Variants in RFXAP observed in about 807,000 individuals in gnomAD.
The protein encoded by RFXAP is regulatory factor X associated protein.
Under a neutral mutation model 25.7 loss-of-function variants are expected in RFXAP, and 21 were observed. The observed-to-expected ratio is 0.82, with a 90% CI of 0.58 to 1.18. The LOEUF (loss-of-function observed/expected upper bound fraction) is 1.18. RFXAP is among the 50% of genes most tolerant of loss of function. The pLI, the probability that RFXAP is intolerant of heterozygous loss-of-function variation, is 0.00. For missense variants in RFXAP, 333 were observed against 363.0 expected (o/e 0.92, Z 0.67); for synonymous variants, 161 against 152.2 (o/e 1.06, Z -0.43).
chr13:36,819,283 T>G lies in RFXAP; in HGVS notation c.-75T>G. On this transcript the variant is annotated 5_prime_UTR_variant, in exon 1 of 3. Transcript: ENST00000255476. ...TTTACCCCAGCGTGTCCTGAGTCTT[T>G]GGTTCGCGAAGTGCCGTTAGGCCAA... 8.2e-7 allele frequency: 1 copy of G among 1,219,248 alleles called. No homozygotes were observed. Among genetic ancestry groups the G allele is most frequent in the Non-Finnish European group, 1.0e-6 (1 of 975,770 alleles). 75.5% of individuals were successfully genotyped at this position (1,219,248 alleles called of 1,614,324 possible). A position where few individuals can be genotyped will look rare whatever the true frequency, so the allele number is the denominator to read the frequency against.
rs1445456701 is a variant in RFXAP at position 36,829,093 on chromosome 13, GT to G, written c.*1342del. On this transcript the variant is annotated 3_prime_UTR_variant, in exon 3 of 3. Transcript: ENST00000255476. The stretch of plus-strand genomic sequence containing the variant: ...AAAATTAATTCATTAAAGTCCAGTT[GT>G]TGACCTTTGAGTTAGCTGATTTCTT... The G allele has an allele frequency of 6.6e-6, 1 of 152,586 alleles. No individual in the cohort carries two copies. Among genetic ancestry groups the G allele is most frequent in the Non-Finnish European group, 1.5e-5 (1 of 68,028 alleles). The allele number at this position is 152,586 out of a possible 1,614,324, so 9.5% of individuals were successfully genotyped here.
chr13:36,825,534 T>C lies in RFXAP; in HGVS notation c.707T>C (p.Leu236Pro). ...GAACAAGTGTTAAATCAAAAAAGAC[T>C]GGTAAATATCTGTTTGTAAATCAGT... The part of the protein sequence containing the change: ...LLEQVLNQKR[L>P]SLLRSPEVVQ... Residue 236 changes from leucine (L) to proline (P), a missense_variant and splice_region_variant, in exon 2 of 3, where the codon CTG becomes CCG. Physicochemically the swap from Leu to Pro is moderately conservative, Grantham distance 98. Coordinates refer to ENST00000255476, the MANE Select transcript of RFXAP (RefSeq NM_000538.4). 3 of 1,590,692 alleles carry C rather than the reference T, an allele frequency of 1.9e-6. No homozygotes were observed. The highest frequency in any genetic ancestry group is 2.6e-6 in the Non-Finnish European group (3 of 1,160,650).
At chr13:36,826,280 G>A (rs2057977685) in intron 2 of RFXAP, among the ~76,000 whole-genome samples, 2 of 152,066 alleles carry the variant, frequency 1.3e-5, no homozygotes, top group Admixed American at 6.6e-5. Flanking sequence ...GTAATTTGAT[G>A]AGGAAAACCT....
At chr13:36,820,077 G>T (rs1159347140) in intron 1 of RFXAP, 120 bp downstream of exon 1, 1 of 1,409,360 alleles carries the variant, frequency 7.1e-7, no homozygotes, top group African/African-American at 1.4e-5. Context: ...CAGTGACTGG[G>T]TTAGTGGTTG....
intron 1 of RFXAP, among the ~76,000 whole-genome samples, chr13:36,822,798 C>T (rs959103578): frequency 3.3e-5 from 5 of 152,120 alleles, no homozygotes; most frequent in African/African-American, 1.2e-4. Context: ...TTTTGGGATA[C>T]TTTATCAGTT....
chr13:36,823,080 C>G lies in RFXAP; in HGVS notation c.601-2348C>G, dbSNP rs181242591. ...CTGTGTTAAGCTATAAATGGAGTCT[C>G]ACAACCCTTCAGCAATGGGATAGAT... On this transcript the variant is annotated intron_variant, in intron 1 of 2. Coordinates refer to ENST00000255476, the MANE Select transcript of RFXAP (RefSeq NM_000538.4). Among the ~76,000 whole-genome samples, 35 of 152,298 alleles carry G rather than the reference C, an allele frequency of 2.3e-4. 1 individual carries two copies. The highest frequency in any genetic ancestry group is 2.2e-3 in the Admixed American group (34 of 15,294).
In RFXAP at chr13:36,819,656, G is replaced by A. The variant is rs762090260; in HGVS notation, c.299G>A (p.Gly100Glu). 5.2e-6 allele frequency: 8 copies of A among 1,548,872 alleles called. No homozygotes were observed. The highest frequency in any genetic ancestry group is 6.1e-6 in the Non-Finnish European group (7 of 1,145,144). The change falls in exon 1 of 3, where the codon GGG becomes GAG. Residue 100 changes from glycine (G) to glutamate (E), a missense_variant. Transcript: ENST00000255476. ...ADLLDTSDPP[G>E]GGESAASLED... Reference sequence around the variant, plus strand: ...CTGTTAGACACTTCGGACCCTCCGGGGGGAGGCGAGAGCGCGGCTAGTTTG... The same window carrying A: ...CTGTTAGACACTTCGGACCCTCCGGAGGGAGGCGAGAGCGCGGCTAGTTTG...
chr13:36,826,086 T>C (rs963858013), intron 2 of RFXAP, among the ~76,000 whole-genome samples: 1 of 152,154 alleles, frequency 6.6e-6, no homozygotes, highest in Admixed American at 6.6e-5. Context: ...AACAGGAGGA[T>C]TGCTTGAGTC....
At chr13:36,821,705 G>T (rs1045442709) in intron 1 of RFXAP, among the ~76,000 whole-genome samples, 8 of 152,150 alleles carry the variant, frequency 5.3e-5, no homozygotes, top group East Asian at 1.9e-4. Context: ...AAAATTTGCA[G>T]TTGCCAGTGT....
At chr13:36,824,552 C>T (rs991988696) in intron 1 of RFXAP, among the ~76,000 whole-genome samples, 8 of 151,990 alleles carry the variant, frequency 5.3e-5, no homozygotes, top group South Asian at 2.1e-4. Flanking sequence ...TATGGCTTTC[C>T]GGTAAAACAT....
chr13:36,819,974 A>G lies in RFXAP; in HGVS notation c.600+17A>G, dbSNP rs1288665445. On this transcript the variant is annotated intron_variant, in intron 1 of 2. Transcript: ENST00000255476. ...AAACTCGAGGTATCAGACTTAGCTG[A>G]GGCCTGGGGATGGGAGGTGGAAGAA... 1.2e-6 allele frequency: 2 copies of G among 1,612,686 alleles called. No homozygotes were observed. The highest frequency in any genetic ancestry group is 1.3e-5 in the African/African-American group (1 of 74,916).
Position 36,820,656 on chromosome 13 carries a change from G to A in RFXAP, c.600+699G>A, listed in dbSNP as rs535735216. ...CTACCCCTTTTCTTAGTACCCCTGA[G>A]GGGGGAAAAAAAGGATGATAATGGG... On this transcript the variant is annotated intron_variant, in intron 1 of 2. Coordinates refer to ENST00000255476, the MANE Select transcript of RFXAP (RefSeq NM_000538.4). 1.2e-4 allele frequency among the ~76,000 whole-genome samples: 19 copies of A among 152,128 alleles called. No homozygotes were observed. The South Asian group carries it at 3.5e-3, about 28-fold the overall frequency.
At chr13:36,822,076 A>T (rs1362145347) in intron 1 of RFXAP, among the ~76,000 whole-genome samples, 1 of 151,850 alleles carries the variant, frequency 6.6e-6, no homozygotes, top group Non-Finnish European at 1.5e-5. Context: ...AGGGAGAAAA[A>T]TAATACTTTT....
rs1333065695 is a variant in RFXAP at position 36,825,446 on chromosome 13, C to A, written c.619C>A (p.Leu207Ile). The change falls in exon 2 of 3, where the codon CTC becomes ATC. Residue 207 changes from leucine to isoleucine, a missense_variant. By Grantham distance (5) the Leu-to-Ile change is conservative. Coordinates refer to ENST00000255476, the MANE Select transcript of RFXAP (RefSeq NM_000538.4). ...ATCCCAGGAAAGTGCAGATAACATACTCTCCATTGTTAAACAAAGAACAGG... is the reference window on the plus strand; with the variant it reads ...ATCCCAGGAAAGTGCAGATAACATAATCTCCATTGTTAAACAAAGAACAGG... ...VKLEESADNI[L>I]SIVKQRTGSF... The A allele has an allele frequency of 6.2e-7, 1 of 1,612,216 alleles. No homozygotes were observed. Among genetic ancestry groups the A allele is most frequent in the Non-Finnish European group, 8.5e-7 (1 of 1,178,854 alleles).
Position 36,819,301 on chromosome 13 carries a change from T to C in RFXAP, c.-57T>C. The C allele has an allele frequency of 1.6e-6, 2 of 1,239,976 alleles. No homozygotes were observed. The highest frequency in any genetic ancestry group is 1.0e-6 in the Non-Finnish European group (1 of 989,216). The allele number at this position is 1,239,976 out of a possible 1,614,324, so 76.8% of individuals were successfully genotyped here. A position where few individuals can be genotyped will look rare whatever the true frequency, so the allele number is the denominator to read the frequency against. On this transcript the variant is annotated 5_prime_UTR_variant, in exon 1 of 3. Coordinates refer to ENST00000255476, the MANE Select transcript of RFXAP (RefSeq NM_000538.4). ...GAGTCTTTGGTTCGCGAAGTGCCGT[T>C]AGGCCAAGCAGGTGCTAAAAGCCCG...
At position 36,819,282 on chromosome 13, in the gene RFXAP, T is replaced by G; in HGVS notation, c.-76T>G. 2.0e-5 allele frequency: 24 copies of G among 1,196,910 alleles called. No homozygotes were observed. Among genetic ancestry groups the G allele is most frequent in the Non-Finnish European group, 2.5e-5 (24 of 957,276 alleles). The allele number at this position is 1,196,910 out of a possible 1,614,324, so 74.1% of individuals were successfully genotyped here. On this transcript the variant is annotated 5_prime_UTR_variant, in exon 1 of 3. Coordinates refer to ENST00000255476, the MANE Select transcript of RFXAP (RefSeq NM_000538.4). Reference sequence around the variant, plus strand: ...TTTTACCCCAGCGTGTCCTGAGTCTTTGGTTCGCGAAGTGCCGTTAGGCCA... The same window carrying G: ...TTTTACCCCAGCGTGTCCTGAGTCTGTGGTTCGCGAAGTGCCGTTAGGCCA...
In RFXAP at chr13:36,828,110, A is replaced by C; in HGVS notation, c.*357A>C. On this transcript the variant is annotated 3_prime_UTR_variant, in exon 3 of 3. Coordinates refer to ENST00000255476, the MANE Select transcript of RFXAP (RefSeq NM_000538.4). ...TGACTCATCTAGCTCAGTGGTTCTCATCAAGGGTCAATTTGATTGTCATAG... is the reference window on the plus strand; with the variant it reads ...TGACTCATCTAGCTCAGTGGTTCTCCTCAAGGGTCAATTTGATTGTCATAG... 8.6e-6 allele frequency: 2 copies of C among 233,420 alleles called. No individual in the cohort carries two copies. The highest frequency in any genetic ancestry group is 8.4e-6 in the Non-Finnish European group (1 of 118,922). The allele number at this position is 233,420 out of a possible 1,614,324, so 14.5% of individuals were successfully genotyped here.
In RFXAP at chr13:36,825,118, T is replaced by G. The variant is rs1479827165; in HGVS notation, c.601-310T>G. On this transcript the variant is annotated intron_variant, in intron 1 of 2. Coordinates refer to ENST00000255476, the MANE Select transcript of RFXAP (RefSeq NM_000538.4). ...GCTCACAAGTAACTCTGCCTCAATCTTAGTGGCCCACCTCTCACAGTATTA... is the reference window on the plus strand; with the variant it reads ...GCTCACAAGTAACTCTGCCTCAATCGTAGTGGCCCACCTCTCACAGTATTA... Among the ~76,000 whole-genome samples, 4 of 152,190 alleles carry G rather than the reference T, an allele frequency of 2.6e-5. 1 individual carries two copies. Among genetic ancestry groups the G allele is most frequent in the Non-Finnish European group, 1.5e-5 (1 of 68,032 alleles).
Position 36,827,708 on chromosome 13 carries a change from A to G in RFXAP, c.774A>G (p.Gln258=), listed in dbSNP as rs1030597822. The stretch of plus-strand genomic sequence containing the variant: ...AACAGCAACAGCTATTAAATCAGCA[A>G]GTTTTGGAGCAAAGACAACAGCAGT... ...LQKQQQLLNQ[Q]VLEQRQQQFP... The change falls in exon 3 of 3, where the codon CAA becomes CAG. Residue 258 remains glutamine, a synonymous_variant. Transcript: ENST00000255476. 1 of 1,613,860 alleles carries G rather than the reference A, an allele frequency of 6.2e-7. No homozygotes were observed. Among genetic ancestry groups the G allele is most frequent in the Non-Finnish European group, 8.5e-7 (1 of 1,179,840 alleles).
Sources: allele counts gnomAD v4.1 joint callset (sites outside exome capture counted in the v4.1 genomes callset), GRCh38; gene constraint gnomAD v4.1.1; transcripts MANE v1.5; gene names NCBI Gene and HGNC (gene_info 2026-07-23, HGNC 2026-07-21).